Variants in BCAR3 observed in about 807,000 individuals in gnomAD.
BCAR3 encodes the protein breast cancer anti-estrogen resistance protein 3.
BCAR3 carries 37 observed loss-of-function variants against 80.1 expected under a neutral mutation model. The observed-to-expected ratio is 0.46, with a 90% CI of 0.36 to 0.61. The LOEUF is 0.61. Ranked by LOEUF, BCAR3 falls within the 20% of genes least tolerant of loss-of-function variation. BCAR3 has a pLI of 0.00. For synonymous variants in BCAR3, 389 were observed against 418.9 expected (o/e 0.93, Z 0.87); for missense variants, 978 against 1,068.2 (o/e 0.92, Z 1.18).
chr1:93,681,959 C>CA (rs1648801573), upstream of BCAR3: 1 of 152,218 alleles, frequency 6.6e-6, no homozygotes, highest in Non-Finnish European at 1.5e-5. Flanking sequence ...GTGACCTAGC[C>CA]AGGCCCTCCT....
chr1:93,828,659 G>A lies in BCAR3; in HGVS notation c.-63+16908C>T, dbSNP rs563168629. Reference sequence around the variant, plus strand: ...CATAAAAGTGGACAGTTTTCCCTGGGTCTTTGTGTATTCATTTTTGAAGTC... The same window carrying A: ...CATAAAAGTGGACAGTTTTCCCTGGATCTTTGTGTATTCATTTTTGAAGTC... On this transcript the variant is annotated intron_variant, in intron 2 of 13. Transcript: ENST00000370244. Among the ~76,000 whole-genome samples the A allele has an allele frequency of 3.9e-5, 6 of 152,156 alleles. No individual in the cohort carries two copies. The South Asian group carries it at 1.2e-3, about 32-fold the overall frequency.
chr1:93,798,200 C>T (rs1469500047), intron 2 of BCAR3, among the ~76,000 whole-genome samples: 2 of 152,136 alleles, frequency 1.3e-5, no homozygotes, highest in Non-Finnish European at 2.9e-5. Context: ...TTTCCTGTCA[C>T]TGGGTCTATA....
upstream of BCAR3, chr1:93,847,670 C>G (rs1451774377): frequency 1.3e-5 from 2 of 152,400 alleles, no homozygotes; most frequent in African/African-American, 4.8e-5. Context: ...ACGCTTTTTT[C>G]CCTCCCCCCT....
intron 7 of BCAR3, among the ~76,000 whole-genome samples, chr1:93,577,178 G>A (rs780623598): frequency 1.3e-5 from 2 of 151,920 alleles, no homozygotes; most frequent in African/African-American, 2.4e-5. Context: ...ATTAAACGGC[G>A]GCTAATGACA....
chr1:93,753,089 A>C (rs1446367426), intron 2 of BCAR3: 1 of 152,226 alleles, frequency 6.6e-6, no homozygotes, highest in Non-Finnish European at 1.5e-5. Context: ...TTTAAATGTG[A>C]ACACTTTTGC....
intron 2 of BCAR3, among the ~76,000 whole-genome samples, chr1:93,845,024 A>T (rs140140904): frequency 2.4e-3 from 365 of 152,278 alleles, no homozygotes; most frequent in Admixed American, 4.0e-3. Context: ...CATCTAGTGG[A>T]ATAAAATATC....
rs111796325 is a variant in BCAR3, at chr1:93,578,213, T to C, written c.1687-2084A>G. 3.6e-3 allele frequency among the ~76,000 whole-genome samples: 551 copies of C among 152,250 alleles called. 9 individuals carry two copies. Among genetic ancestry groups the C allele is most frequent in the African/African-American group, 0.012 (505 of 41,558 alleles). On this transcript the variant is annotated intron_variant, in intron 7 of 11. Transcript: ENST00000260502. Reference sequence around the variant, plus strand: ...CTGCTGCACGGACCCAGGAGAGCCCTGATGGGGTCCCGGCCCAGCCCTCCT... The same window carrying C: ...CTGCTGCACGGACCCAGGAGAGCCCCGATGGGGTCCCGGCCCAGCCCTCCT...
chr1:93,579,573 T>C (rs1307594722), intron 7 of BCAR3, among the ~76,000 whole-genome samples: 2 of 152,152 alleles, frequency 1.3e-5, no homozygotes, highest in African/African-American at 4.8e-5. Flanking sequence ...CATTCTTCAG[T>C]TGGGAACATC....
intron 3 of BCAR3, among the ~76,000 whole-genome samples, chr1:93,616,393 A>C (rs1043767367): frequency 2.0e-5 from 3 of 152,234 alleles, no homozygotes; most frequent in Middle Eastern, 3.2e-3. Context: ...AATTGCATAC[A>C]TTCTCAAAGT....
intron 2 of BCAR3, among the ~76,000 whole-genome samples, chr1:93,655,677 A>G (rs1265548203): frequency 2.6e-4 from 39 of 152,238 alleles, no homozygotes; most frequent in Admixed American, 2.6e-3. Context: ...TTCTGTGGCT[A>G]TCAGTGCACA....
chr1:93,758,486 T>C, intron 2 of BCAR3, among the ~76,000 whole-genome samples: 2 of 152,004 alleles, frequency 1.3e-5, no homozygotes, highest in East Asian at 3.9e-4. Context: ...AGACAAAGAG[T>C]TGGTCTGGAA....
rs1018397481 is a variant in BCAR3, at chr1:93,589,344, G to C, written c.562C>G (p.Leu188Val). ...DSLSSPGNFV[L>V]TCQWKNLAQH... is the part of the protein sequence containing the mutation. ...GCGAGGTTCTTCCACTGACAGGTCA[G>C]GACAAAGTTCCCAGGGCTGGACAGA... Residue 188 changes from leucine to valine, a missense_variant, in exon 5 of 12, where the codon CTG (leucine) becomes GTG (valine). Coordinates refer to ENST00000260502, the MANE Select transcript of BCAR3 (RefSeq NM_003567.4). 1.2e-6 allele frequency: 2 copies of C among 1,614,026 alleles called. No homozygotes were observed. Among genetic ancestry groups the C allele is most frequent in the African/African-American group, 2.7e-5 (2 of 74,938 alleles).
intron 2 of BCAR3, among the ~76,000 whole-genome samples, chr1:93,761,284 GT>G (rs1651936801): frequency 6.6e-6 from 1 of 152,180 alleles, no homozygotes; most frequent in Non-Finnish European, 1.5e-5. Context: ...TCCTGAGCCA[GT>G]TTTGTCTTTA....
At chr1:93,806,913 A>C (rs1653671637) in intron 2 of BCAR3, among the ~76,000 whole-genome samples, 2 of 152,100 alleles carry the variant, frequency 1.3e-5, no homozygotes, top group Admixed American at 1.3e-4. Context: ...TCAGGAGTTC[A>C]AGACTAGCCT....
intron 2 of BCAR3, among the ~76,000 whole-genome samples, chr1:93,755,268 G>T (rs984333241): frequency 6.6e-6 from 1 of 152,070 alleles, no homozygotes; most frequent in African/African-American, 2.4e-5. Context: ...GAAAAATAAA[G>T]TTTTAAAATA....
At chr1:93,719,042 G>A (rs1191953782) in intron 2 of BCAR3, among the ~76,000 whole-genome samples, 1 of 151,958 alleles carries the variant, frequency 6.6e-6, no homozygotes, top group Non-Finnish European at 1.5e-5. Context: ...CCTGGATGAT[G>A]GTGCCTCACA....
intron 2 of BCAR3, among the ~76,000 whole-genome samples, chr1:93,737,512 A>G (rs1192235707): frequency 1.3e-5 from 2 of 152,210 alleles, no homozygotes; most frequent in African/African-American, 2.4e-5. Flanking sequence ...GTTGGCAATC[A>G]CCGGAAGCAA....
chr1:93,634,185 G>A (rs555411756), intron 3 of BCAR3, among the ~76,000 whole-genome samples: 15 of 152,272 alleles, frequency 9.9e-5, no homozygotes, highest in African/African-American at 2.9e-4. Flanking sequence ...TAATTTTAGA[G>A]TACGTAGCCT....
chr1:93,569,677 A>G (rs7525522), intron 9 of BCAR3, among the ~76,000 whole-genome samples: 99,671 of 152,126 alleles, frequency 0.66, 33,402 homozygotes, highest in Middle Eastern at 0.77. Flanking sequence ...ACTTCCTCCT[A>G]GGCCACTGTA....
Sources: allele counts gnomAD v4.1 joint callset (sites outside exome capture counted in the v4.1 genomes callset), GRCh38; gene constraint gnomAD v4.1.1; transcripts MANE v1.5; gene names NCBI Gene and HGNC (gene_info 2026-07-23, HGNC 2026-07-21).